UBR4: variants seen among roughly 807,000 people sequenced by gnomAD.
The protein encoded by UBR4 is ubiquitin protein ligase E3 component n-recognin 4, also known as E3 ubiquitin-protein ligase UBR4.
A neutral mutation model predicts 575.6 loss-of-function variants in UBR4; 124 were observed. The observed-to-expected ratio is 0.22, with a 90% CI of 0.19 to 0.25. UBR4 has a LOEUF of 0.25. UBR4 is among the 10% of genes least tolerant of loss of function. The pLI is 1.00. For synonymous variants in UBR4, 2,455 were observed against 2,473.7 expected (o/e 0.99, Z 0.22); for missense variants, 4,818 against 6,478.8 (o/e 0.74, Z 8.80).
intron 81 of UBR4, among the ~76,000 whole-genome samples, chr1:19,109,449 G>A (rs1346929655): frequency 6.6e-6 from 1 of 152,226 alleles, no homozygotes; most frequent in Non-Finnish European, 1.5e-5. Context: ...GAATCAAGGA[G>A]CTCACAGCTA....
In UBR4 at chr1:19,128,308, A is replaced by T. The variant is rs775102356; in HGVS notation, c.9014T>A (p.Met3005Lys). 6.2e-7 allele frequency: 1 copy of T among 1,613,904 alleles called. No individual in the cohort carries two copies. The highest frequency in any genetic ancestry group is 8.5e-7 in the Non-Finnish European group (1 of 1,179,846). Residue 3005 changes from methionine to lysine, a missense_variant, in exon 62 of 106, where the codon ATG becomes AAG. Around this residue, in one of 29 missense-constraint regions of UBR4, gnomAD observed 87 missense variants for 82.8 expected, o/e 1.05. Coordinates refer to ENST00000375254, the MANE Select transcript of UBR4 (RefSeq NM_020765.3). ...TTCTCCATCCAGATCTGTAGTGAGC[A>T]TTAGAATGACCTAGAAGTCAAAGAC... ...RAIPYMQVILMLTTDLDGEDE... is the reference protein window; with the variant it reads ...RAIPYMQVILKLTTDLDGEDE...
chr1:19,150,515 G>A, intron 49 of UBR4, 62 bp downstream of exon 49: 1 of 1,558,032 alleles, frequency 6.4e-7, no homozygotes, highest in Non-Finnish European at 8.8e-7. Flanking sequence ...TCAAGACACA[G>A]GAAGGTTCTG....
rs755953052 is a variant in UBR4, at chr1:19,093,483, A to G, written c.13941T>C (p.Tyr4647=). 8.7e-6 allele frequency: 14 copies of G among 1,613,992 alleles called. No individual in the cohort carries two copies. The highest frequency in any genetic ancestry group is 1.3e-5 in the African/African-American group (1 of 74,922). Residue 4647 remains tyrosine, a synonymous_variant, in exon 96 of 106, where the codon TAT becomes TAC. Transcript: ENST00000375254. This position sits in a 1 kb window ranked among gnomAD's most constrained non-coding sequence, Gnocchi z 4.8. ...RFKPYCNFDK[Y]DEDHSGDDKV... Reference sequence around the variant, plus strand: ...TATCATCACCACTGTGATCTTCATCATATCTAGGAGGAAAGAGCAGAGTTT... The same window carrying G: ...TATCATCACCACTGTGATCTTCATCGTATCTAGGAGGAAAGAGCAGAGTTT...
chr1:19,100,701 T>A lies in UBR4; in HGVS notation c.13024-128A>T. ...AGCAAGCCCCCCAAACATTTAAAGA[T>A]ACAAAGGACAGGAAACTCAGAGGTA... On this transcript the variant is annotated intron_variant, in intron 88 of 105. Transcript: ENST00000375254. This position sits in a 1 kb window ranked among gnomAD's most constrained non-coding sequence, Gnocchi z 4.2. 14 of 867,676 alleles carry A rather than the reference T, an allele frequency of 1.6e-5. No homozygotes were observed. Among genetic ancestry groups the A allele is most frequent in the Non-Finnish European group, 2.5e-5 (14 of 566,758 alleles). The allele number at this position is 867,676 out of a possible 1,614,324, so 53.7% of individuals were successfully genotyped here. A position where few individuals can be genotyped will look rare whatever the true frequency, so the allele number is the denominator to read the frequency against.
chr1:19,141,889 T>G, intron 55 of UBR4, 112 bp from the exon 56 acceptor site: 1 of 1,487,208 alleles, frequency 6.7e-7, no homozygotes, highest in Non-Finnish European at 9.0e-7. Flanking sequence ...GCTAGCACCC[T>G]GGGCTTTAGC....
At chr1:19,194,260 C>T (rs1246763075) in intron 8 of UBR4, among the ~76,000 whole-genome samples, 2 of 152,150 alleles carry the variant, frequency 1.3e-5, no homozygotes, top group Admixed American at 6.5e-5. Flanking sequence ...AAAAGTATTA[C>T]TGATAAGAGA....
intron 25 of UBR4, among the ~76,000 whole-genome samples, chr1:19,172,420 G>A (rs2150918616): frequency 6.6e-6 from 1 of 152,182 alleles, no homozygotes; most frequent in East Asian, 1.9e-4. Context: ...AGGAGGCTGA[G>A]GCAGGAGAAT....
At chr1:19,200,112 T>C (rs887754309) in intron 2 of UBR4, among the ~76,000 whole-genome samples, 9 of 152,204 alleles carry the variant, frequency 5.9e-5, no homozygotes, top group Non-Finnish European at 8.8e-5. Context: ...AAAAGTCACA[T>C]AGCTAGGTTT....
At chr1:19,163,895 G>T in intron 33 of UBR4, 68 bp from the exon 34 acceptor site, 2 of 1,514,194 alleles carry the variant, frequency 1.3e-6, no homozygotes, top group South Asian at 1.1e-5. Flanking sequence ...ACGAAATGAG[G>T]CATCTTCATT....
intron 54 of UBR4, among the ~76,000 whole-genome samples, chr1:19,144,548 T>C (rs1303753623): frequency 6.6e-6 from 1 of 152,238 alleles, no homozygotes; most frequent in African/African-American, 2.4e-5. Flanking sequence ...ACTTACTATG[T>C]AGCAAGCAGT....
At chr1:19,170,390 C>A (rs2089326557) in intron 26 of UBR4, among the ~76,000 whole-genome samples, 1 of 152,166 alleles carries the variant, frequency 6.6e-6, no homozygotes, top group Non-Finnish European at 1.5e-5. Flanking sequence ...CAGGGCAAGA[C>A]CCTGCCAAGA....
intron 97 of UBR4, among the ~76,000 whole-genome samples, chr1:19,092,438 C>A (rs187792292): frequency 1.3e-5 from 2 of 151,366 alleles, no homozygotes; most frequent in Non-Finnish European, 2.9e-5. Flanking sequence ...GAATGAGCTG[C>A]GGAGTGGAAT....
rs992908834 is a variant in UBR4 at position 19,150,849 on chromosome 1, C to G, written c.7214-56G>C. 2.1e-5 allele frequency: 33 copies of G among 1,565,406 alleles called. 1 individual carries two copies. In the Middle Eastern group the frequency reaches 6.9e-4, roughly 33 times the overall value. ...CACATTCTCTAAAAAGCCACCCCTC[C>G]AAAGCAAAGACCAGAACAGTTGGAG... On this transcript the variant is annotated intron_variant, in intron 48 of 105. Transcript: ENST00000375254.
At chr1:19,155,179 A>G in intron 43 of UBR4, 104 bp from the exon 44 acceptor site, 4 of 1,454,302 alleles carry the variant, frequency 2.8e-6, no homozygotes, top group Non-Finnish European at 3.8e-6. Flanking sequence ...GTGCTCTCAT[A>G]CTCTAAGCAT....
Position 19,157,018 on chromosome 1 carries a change from G to C in UBR4, c.5761-93C>G. ...AAAACTCTTTCAATAGGGATAACAGGTTGCACACTTTTTTCTTTACAGATA... is the reference window on the plus strand; with the variant it reads ...AAAACTCTTTCAATAGGGATAACAGCTTGCACACTTTTTTCTTTACAGATA... On this transcript the variant is annotated intron_variant, in intron 40 of 105. Transcript: ENST00000375254. This position sits in a 1 kb window ranked among gnomAD's most constrained non-coding sequence, Gnocchi z 4.4. 7.1e-7 allele frequency: 1 copy of C among 1,404,906 alleles called. No individual in the cohort carries two copies. The highest frequency in any genetic ancestry group is 1.4e-5 in the South Asian group (1 of 69,722). 87.0% of individuals were successfully genotyped at this position (1,404,906 alleles called of 1,614,324 possible).
At chr1:19,177,278 A>C (rs1477938657) in intron 19 of UBR4, among the ~76,000 whole-genome samples, 183 bp downstream of exon 19, 2 of 152,254 alleles carry the variant, frequency 1.3e-5, no homozygotes, top group East Asian at 1.9e-4. Context: ...AGTAATCTAC[A>C]TGTATCACTT....
chr1:19,122,167 C>A (rs2081251418), intron 66 of UBR4, among the ~76,000 whole-genome samples, 155 bp from the exon 67 acceptor site: 1 of 152,198 alleles, frequency 6.6e-6, no homozygotes, highest in Non-Finnish European at 1.5e-5. Context: ...TCTGGTCAAC[C>A]TGGGACCATG....
intron 41 of UBR4, 68 bp from the exon 42 acceptor site, chr1:19,156,491 T>C: frequency 1.3e-6 from 2 of 1,551,736 alleles, no homozygotes; most frequent in East Asian, 4.7e-5. Flanking sequence ...CATTTCAGAG[T>C]AATGACGTTC....
rs776593168 is a variant in UBR4 at position 19,167,086 on chromosome 1, G to C, written c.4045C>G (p.Arg1349Gly). Residue 1349 changes from arginine (R) to glycine (G), a missense_variant, in exon 29 of 106, where the codon CGT (arginine) becomes GGT (glycine). Arg to Gly is a moderately radical substitution (Grantham distance 125). Around this residue, in one of 29 missense-constraint regions of UBR4, gnomAD observed 1,172 missense variants for 1,259.7 expected, o/e 0.93. Coordinates refer to ENST00000375254, the MANE Select transcript of UBR4 (RefSeq NM_020765.3). ...CCAGTGATCAGCTTCTCATAAACAC[G>C]AGCCAAGAACTCATCAGACTCAGCA... ...GPAESDEFLA[R>G]VYEKLITGCY... 1.1e-5 allele frequency: 18 copies of C among 1,614,032 alleles called. No homozygotes were observed. The highest frequency in any genetic ancestry group is 4.5e-5 in the East Asian group (2 of 44,894).
Sources: gnomAD v4.1 joint callset for allele counts (sites outside exome capture counted in the v4.1 genomes callset) on GRCh38, gnomAD v4.1.1 for gene constraint, gnomAD v4.1.1 regional missense constraint, Gnocchi (gnomAD v3.1) non-coding constraint, MANE v1.5 for transcripts, NCBI Gene and HGNC (gene_info 2026-07-23, HGNC 2026-07-21) for gene names.